MALAT1: variants seen among roughly 807,000 people sequenced by gnomAD.
MALAT1 encodes the protein metastasis associated lung adenocarcinoma transcript 1, also known as hepcarcin.
chr11:65,498,525 C>T (rs376420300), intron 1 of MALAT1: 20 of 517,052 alleles, frequency 3.9e-5, no homozygotes, highest in Admixed American at 3.1e-4. Flanking sequence ...AAAAGCAAAA[C>T]GTGTGGCTGT....
At chr11:65,502,780 C>T (rs1384921832) in exon 3 of MALAT1, 3 of 515,026 alleles carry the variant, frequency 5.8e-6, no homozygotes, top group African/African-American at 1.9e-5. Context: ...TAAGCATAAC[C>T]CTGAGATTCT....
At chr11:65,501,904 G>C (rs777207778) in exon 3 of MALAT1, 6 of 517,270 alleles carry the variant, frequency 1.2e-5, no homozygotes, top group South Asian at 8.4e-5. Context: ...TGGTGGGGTG[G>C]GTTTAGGTAA....
In MALAT1 at chr11:65,504,452, T is replaced by G. The variant is rs745913010; in HGVS notation, n.5168+547T>G. 39 of 518,818 alleles carry G rather than the reference T, an allele frequency of 7.5e-5. 1 individual carries two copies. Among genetic ancestry groups the G allele is most frequent in the South Asian group, 5.4e-4 (39 of 71,590 alleles). 32.1% of individuals were successfully genotyped at this position (518,818 alleles called of 1,614,324 possible). Reference sequence around the variant, plus strand: ...AAACGACTGGAGTATGATTAAAAGTTGTGTTCCCCAATGCTTGGAGTAGTG... The same window carrying G: ...AAACGACTGGAGTATGATTAAAAGTGGTGTTCCCCAATGCTTGGAGTAGTG... On this transcript the variant is annotated intron_variant and non_coding_transcript_variant, in intron 3 of 3. Transcript: ENST00000619449.
chr11:65,500,247 ATAGTAGCTTAGT>A (rs1387842708), exon 3 of MALAT1: 1 of 518,378 alleles, frequency 1.9e-6, no homozygotes, highest in Admixed American at 1.9e-5. Context: ...GGCCTTAAAT[ATAGTAGCTTAGT>A]TTGAAAAATG....
chr11:65,505,566 C>T (rs1328339843), intron 3 of MALAT1: 2 of 516,418 alleles, frequency 3.9e-6, no homozygotes, highest in East Asian at 5.5e-5. Flanking sequence ...CACATCGCCA[C>T]CCCGTGCCTT....
intron 3 of MALAT1, chr11:65,505,066 G>A (rs749872697): frequency 1.9e-6 from 1 of 518,948 alleles, no homozygotes; most frequent in South Asian, 1.4e-5. Context: ...GATCAGTTAT[G>A]GGACAATAGT....
intron 3 of MALAT1, chr11:65,504,884 C>T (rs990168006): frequency 1.9e-6 from 1 of 518,838 alleles, no homozygotes. Context: ...AAAAAATAGC[C>T]TATTTACTTT....
exon 3 of MALAT1, chr11:65,502,200 C>T (rs753139351): frequency 1.5e-5 from 8 of 518,700 alleles, no homozygotes; most frequent in African/African-American, 1.5e-4. Context: ...GTTGGTCTGG[C>T]CTACTGGGCT....
At chr11:65,505,454 G>A (rs77839640) in intron 3 of MALAT1, 1 of 512,582 alleles carries the variant, frequency 2.0e-6, no homozygotes, top group Non-Finnish European at 3.9e-6. Flanking sequence ...ATCTCAAGCG[G>A]TGCTTGAAGG....
intron 3 of MALAT1, chr11:65,506,105 A>G (rs1457290359): frequency 2.4e-6 from 1 of 409,084 alleles, no homozygotes; most frequent in East Asian, 6.7e-5. Flanking sequence ...CTTAAAAAAA[A>G]AAAAAGCAAA....
exon 3 of MALAT1, chr11:65,502,124 T>C (rs1042773473): frequency 2.3e-5 from 12 of 516,194 alleles, no homozygotes; most frequent in South Asian, 1.6e-4. Context: ...AGTGTCATAA[T>C]TTGATACTGT....
At chr11:65,505,284 G>T (rs772817101) in intron 3 of MALAT1, 1 of 518,846 alleles carries the variant, frequency 1.9e-6, no homozygotes, top group Non-Finnish European at 3.8e-6. Flanking sequence ...CTAAGGTCAA[G>T]AGAAGTGTCA....
At chr11:65,504,466 C>T (rs1294715898) in intron 3 of MALAT1, 4 of 518,740 alleles carry the variant, frequency 7.7e-6, no homozygotes, top group Non-Finnish European at 1.2e-5. Context: ...TTCCCCAATG[C>T]TTGGAGTAGT....
intron 3 of MALAT1, chr11:65,505,595 TTCACCCC>T: frequency 1.9e-6 from 1 of 518,948 alleles, no homozygotes; most frequent in South Asian, 1.4e-5. Context: ...GCACAGACCC[TTCACCCC>T]TCACCTCGAT....
chr11:65,501,423 T>C (rs1486867321), exon 3 of MALAT1: 2 of 517,118 alleles, frequency 3.9e-6, no homozygotes, highest in African/African-American at 1.9e-5. Flanking sequence ...GAGATGTCCA[T>C]TGGAGAAATG....
chr11:65,500,377 C>G (rs189435941), exon 3 of MALAT1: 16 of 518,910 alleles, frequency 3.1e-5, no homozygotes, highest in Admixed American at 9.7e-5. Flanking sequence ...TGAGGACTAG[C>G]ATTAATTGAC....
exon 2 of MALAT1, chr11:65,498,692 A>G (rs774338244): frequency 7.7e-6 from 4 of 518,556 alleles, no homozygotes; most frequent in Admixed American, 1.9e-5. Context: ...GTGGTAAACT[A>G]TACCTACTGT....
At chr11:65,500,196 C>A (rs769682570) in exon 3 of MALAT1, 1 of 509,658 alleles carries the variant, frequency 2.0e-6, no homozygotes, top group Non-Finnish European at 3.9e-6. Context: ...TTAAAAAAAA[C>A]TAAGGCAGAA....
chr11:65,500,342 T>G (rs945137600), exon 3 of MALAT1: 1 of 518,650 alleles, frequency 1.9e-6, no homozygotes, highest in Non-Finnish European at 3.9e-6. Flanking sequence ...CATTGGACTT[T>G]GAGTTAAGAT....
Sources: allele counts gnomAD v4.1 joint callset, GRCh38; gene constraint gnomAD v4.1.1; transcripts MANE v1.5; gene names NCBI Gene and HGNC (gene_info 2026-07-23, HGNC 2026-07-21).